The following UNC50 variants were observed in gnomAD, a reference collection of about 807,000 sequenced individuals.
The protein encoded by UNC50 is protein unc-50 homolog.
UNC50 carries 24 observed loss-of-function variants against 31.5 expected under a neutral mutation model. That is an observed-to-expected ratio of 0.76 (90% CI 0.55 to 1.07). UNC50 has a LOEUF of 1.07. Ranked by LOEUF, UNC50 falls within the 50% of genes least tolerant of loss-of-function variation. The probability of loss-of-function intolerance (pLI) is 0.00; values close to 1 mark genes in which losing one functional copy is unlikely to be tolerated. For missense variants in UNC50, 245 were observed against 304.2 expected, an observed-to-expected ratio of 0.81 and a Z score of 1.45; for synonymous variants, 118 against 114.7, an observed-to-expected ratio of 1.03 and a Z score of -0.18.
chr2:98,609,573 G>GCGGTTCCCAAGCCCCAAGACC, intron 1 of UNC50, 183 bp from the exon 2 acceptor site: 1 of 843,378 alleles, frequency 1.2e-6, no homozygotes, highest in Non-Finnish European at 1.9e-6. Flanking sequence ...GTTGCAGTCT[G>GCGGTTCCCAAGCCCCAAGACC]CGGTTCCCAA....
chr2:98,612,838 C>T (rs1428799092), intron 3 of UNC50, among the ~76,000 whole-genome samples: 1 of 152,206 alleles, frequency 6.6e-6, no homozygotes, highest in Non-Finnish European at 1.5e-5. Context: ...ATCATATTTA[C>T]ACTGTACTGT....
chr2:98,616,561 T>C lies in UNC50; in HGVS notation c.643+28T>C, dbSNP rs200854032. 1.5e-3 allele frequency: 2,335 copies of C among 1,579,456 alleles called. 2 individuals are homozygous for C. Among genetic ancestry groups the C allele is most frequent in the Non-Finnish European group, 1.5e-3 (1,778 of 1,150,738 alleles). ...AAGTAATTTTTTTAAATGTTTTTGG[T>C]TGAGAACATAGCAAGAGGGGGAAAG... On this transcript the variant is annotated intron_variant, in intron 5 of 5. Coordinates refer to ENST00000357765, the MANE Select transcript of UNC50 (RefSeq NM_014044.7).
intron 5 of UNC50, among the ~76,000 whole-genome samples, chr2:98,617,540 C>T (rs922065718): frequency 1.1e-4 from 17 of 149,876 alleles, no homozygotes; most frequent in African/African-American, 4.2e-4. Context: ...AGTTGGAGTA[C>T]AGCTCAGTTT....
Position 98,613,274 on chromosome 2 carries a change from A to G in UNC50, c.401+2379A>G, listed in dbSNP as rs530400269. On this transcript the variant is annotated intron_variant, in intron 3 of 5. Transcript: ENST00000357765. ...GGTGTGTTTTAAAATTTCAATAAAT[A>G]AGACTTTCAAAGGAATAGTTTCATT... Among the ~76,000 whole-genome samples the G allele has an allele frequency of 2.0e-5, 3 of 152,360 alleles. 1 individual carries two copies. In the South Asian group the frequency reaches 6.2e-4, roughly 32 times the overall value.
At chr2:98,616,835 G>T (rs535750900) in intron 5 of UNC50, among the ~76,000 whole-genome samples, 1 of 152,324 alleles carries the variant, frequency 6.6e-6, no homozygotes, top group African/African-American at 2.4e-5. Context: ...GTTATCTCCA[G>T]ATGACTTGCA....
In UNC50 at chr2:98,618,379, T is replaced by TAA. The variant is rs1190580084; in HGVS notation, c.*77_*78dup. The TAA allele has an allele frequency of 1.5e-5, 21 of 1,447,038 alleles. No homozygotes were observed. The East Asian group carries it at 4.6e-4, about 32-fold the overall frequency. 89.6% of individuals were successfully genotyped at this position (1,447,038 alleles called of 1,614,324 possible). On this transcript the variant is annotated 3_prime_UTR_variant, in exon 6 of 6. Coordinates refer to ENST00000357765, the MANE Select transcript of UNC50 (RefSeq NM_014044.7). ...GATCATTTCTTGTAAAACTTGTAAA[T>TAA]AAACTATCATCTTTGTAGATATCTT... is the stretch of plus-strand genomic sequence containing the variant.
intron 3 of UNC50, among the ~76,000 whole-genome samples, chr2:98,611,393 T>G (rs1380081444): frequency 6.6e-6 from 1 of 152,228 alleles, no homozygotes; most frequent in Non-Finnish European, 1.5e-5. Context: ...GAGTCTTTGA[T>G]CTGCCTTTCA....
At chr2:98,612,921 T>G (rs1700859523) in intron 3 of UNC50, among the ~76,000 whole-genome samples, 1 of 152,194 alleles carries the variant, frequency 6.6e-6, no homozygotes. Context: ...GCTTTATTGC[T>G]TAAAAATGCT....
chr2:98,608,686 G>GGCT lies in UNC50; in HGVS notation c.-43_-41dup, dbSNP rs1700756027. The stretch of plus-strand genomic sequence containing the variant: ...GGTCGGCTGCTGGGAGGAGGTGGTG[G>GGCT]GCTGGTTCGGACGTGGGTCGAGGCT... On this transcript the variant is annotated 5_prime_UTR_variant, in exon 1 of 6. Coordinates refer to ENST00000357765, the MANE Select transcript of UNC50 (RefSeq NM_014044.7). 1 of 504,914 alleles carries GGCT rather than the reference G, an allele frequency of 2.0e-6. No homozygotes were observed. Among genetic ancestry groups the GGCT allele is most frequent in the Non-Finnish European group, 3.6e-6 (1 of 278,986 alleles). The allele number at this position is 504,914 out of a possible 1,614,324, so 31.3% of individuals were successfully genotyped here. A position where few individuals can be genotyped will look rare whatever the true frequency, so the allele number is the denominator to read the frequency against.
At chr2:98,613,738 C>A (rs1700876379) in intron 3 of UNC50, among the ~76,000 whole-genome samples, 1 of 152,182 alleles carries the variant, frequency 6.6e-6, no homozygotes, top group African/African-American at 2.4e-5. Flanking sequence ...GAGTTTAGCA[C>A]ATTTCATGTG....
chr2:98,611,373 G>A (rs1309596979), intron 3 of UNC50, among the ~76,000 whole-genome samples: 1 of 152,192 alleles, frequency 6.6e-6, no homozygotes, highest in Non-Finnish European at 1.5e-5. Context: ...ACAAATGGTT[G>A]CATTCTTTTG....
In UNC50 at chr2:98,618,461, A is replaced by G. The variant is rs1051143053; in HGVS notation, c.*157A>G. ...ATATATTAACACTGTGGTCAGGTAC[A>G]TTCCTTAAAACTAATTAAATGTACA... On this transcript the variant is annotated 3_prime_UTR_variant, in exon 6 of 6. Coordinates refer to ENST00000357765, the MANE Select transcript of UNC50 (RefSeq NM_014044.7). 23 of 592,680 alleles carry G rather than the reference A, an allele frequency of 3.9e-5. No homozygotes were observed. The highest frequency in any genetic ancestry group is 4.8e-5 in the Non-Finnish European group (19 of 394,176). 36.7% of individuals were successfully genotyped at this position (592,680 alleles called of 1,614,324 possible).
At chr2:98,613,227 A>G (rs544196786) in intron 3 of UNC50, among the ~76,000 whole-genome samples, 136 of 152,368 alleles carry the variant, frequency 8.9e-4, no homozygotes, top group African/African-American at 3.1e-3. Context: ...ATTCATTACC[A>G]AGAAATTCAT....
rs1359309786 is a variant in UNC50 at position 98,618,267 on chromosome 2, A to ATACTC, written c.745_749dup (p.Cys251LeufsTer10). On this transcript the variant is annotated frameshift_variant, in exon 6 of 6. Transcript: ENST00000357765. LOFTEE classifies it high-confidence loss of function. Reference sequence around the variant, plus strand: ...CTGGCACTGGGATGGAACTTCACCCATACTCTCTGTTCTTTCTATAAGTAC... The same window carrying ATACTC: ...CTGGCACTGGGATGGAACTTCACCCATACTCTACTCTCTGTTCTTTCTATAAGTAC... 1 of 1,611,094 alleles carries ATACTC rather than the reference A, an allele frequency of 6.2e-7. No homozygotes were observed. Among genetic ancestry groups the ATACTC allele is most frequent in the Non-Finnish European group, 8.5e-7 (1 of 1,179,100 alleles).
At chr2:98,614,190 G>A (rs1700883145) in intron 3 of UNC50, among the ~76,000 whole-genome samples, 1 of 152,220 alleles carries the variant, frequency 6.6e-6, no homozygotes, top group South Asian at 2.1e-4. Context: ...AAAAGTTGGA[G>A]TAGTGAGTGG....
At chr2:98,617,055 GC>G (rs1700935513) in intron 5 of UNC50, among the ~76,000 whole-genome samples, 1 of 152,164 alleles carries the variant, frequency 6.6e-6, no homozygotes, top group African/African-American at 2.4e-5. Flanking sequence ...AGAAGATCGG[GC>G]CCAACATTTA....
chr2:98,615,966 G>A (rs1448415214), intron 3 of UNC50, among the ~76,000 whole-genome samples: 1 of 152,116 alleles, frequency 6.6e-6, no homozygotes, highest in Non-Finnish European at 1.5e-5. Context: ...ACCCTCATAT[G>A]TACAATTGCA....
intron 3 of UNC50, among the ~76,000 whole-genome samples, chr2:98,614,004 G>A (rs1559148618): frequency 6.6e-6 from 1 of 152,208 alleles, no homozygotes; most frequent in East Asian, 1.9e-4. Context: ...CCGAGTCACT[G>A]GGGAAGAGAT....
chr2:98,616,359 T>G lies in UNC50; in HGVS notation c.541+13T>G. On this transcript the variant is annotated intron_variant, in intron 4 of 5. Coordinates refer to ENST00000357765, the MANE Select transcript of UNC50 (RefSeq NM_014044.7). Reference sequence around the variant, plus strand: ...TTTTTCATCAACCGTAAGTAGCAGTTAATTAGAGTATTATCCAAGTCTTCA... The same window carrying G: ...TTTTTCATCAACCGTAAGTAGCAGTGAATTAGAGTATTATCCAAGTCTTCA... The G allele has an allele frequency of 6.2e-7, 1 of 1,613,844 alleles. No homozygotes were observed. The highest frequency in any genetic ancestry group is 8.5e-7 in the Non-Finnish European group (1 of 1,179,820).
Sources: gnomAD v4.1 joint callset for allele counts (sites outside exome capture counted in the v4.1 genomes callset) on GRCh38, gnomAD v4.1.1 for gene constraint, MANE v1.5 for transcripts, NCBI Gene and HGNC (gene_info 2026-07-23, HGNC 2026-07-21) for gene names.